The following STEAP1B variants were observed in gnomAD, a reference collection of about 807,000 sequenced individuals.
STEAP1B encodes STEAP family protein MGC87042.
STEAP1B carries 13 observed loss-of-function variants against 27.9 expected under a neutral mutation model. The ratio of observed to expected loss-of-function variants is 0.47; its 90% CI spans 0.30 to 0.74. The LOEUF (loss-of-function observed/expected upper bound fraction) is 0.74. Among genes scored for constraint, STEAP1B ranks in the 30% least tolerant of loss-of-function variants. STEAP1B has a pLI of 0.06. For missense variants in STEAP1B, 250 were observed against 298.7 expected, an observed-to-expected ratio of 0.84 and a Z score of 1.20; for synonymous variants, 86 against 107.1, an observed-to-expected ratio of 0.80 and a Z score of 1.22.
chr7:22,466,282 T>G (rs1480680155), intron 4 of STEAP1B, among the ~76,000 whole-genome samples: 1 of 152,176 alleles, frequency 6.6e-6, no homozygotes, highest in African/African-American at 2.4e-5. Context: ...GGATAAATTG[T>G]GTGGCGTGGG....
At chr7:22,427,183 T>C (rs1239234067) in intron 4 of STEAP1B, among the ~76,000 whole-genome samples, 2 of 152,178 alleles carry the variant, frequency 1.3e-5, no homozygotes, top group African/African-American at 2.4e-5. Flanking sequence ...GAAAAGACCT[T>C]GCAGGATGAG....
chr7:22,432,086 T>C (rs1474236633), intron 4 of STEAP1B, among the ~76,000 whole-genome samples: 2 of 152,136 alleles, frequency 1.3e-5, no homozygotes, highest in Non-Finnish European at 1.5e-5. Flanking sequence ...ATCAGTGGGA[T>C]TGGTGTCCTT....
intron 4 of STEAP1B, among the ~76,000 whole-genome samples, chr7:22,457,387 T>C (rs1300452140): frequency 3.9e-5 from 6 of 152,168 alleles, no homozygotes; most frequent in Admixed American, 3.9e-4. Context: ...AATTAGCCAA[T>C]TGTGGCCCAA....
chr7:22,492,869 T>C lies in STEAP1B; in HGVS notation c.598-140A>G, dbSNP rs1786355664. The C allele has an allele frequency of 2.2e-6, 3 of 1,374,408 alleles. No homozygotes were observed. In the African/African-American group the frequency reaches 4.4e-5, roughly 20 times the overall value. 85.1% of individuals were successfully genotyped at this position (1,374,408 alleles called of 1,614,324 possible). ...ACAAATTTATGACTTTTTCTTTTTTTTTTGCATTCCTCTAAGACAAATGAC... is the reference window on the plus strand; with the variant it reads ...ACAAATTTATGACTTTTTCTTTTTTCTTTGCATTCCTCTAAGACAAATGAC... On this transcript the variant is annotated intron_variant, in intron 3 of 4. Coordinates refer to ENST00000678116, the MANE Select transcript of STEAP1B (RefSeq NM_001382447.1).
In STEAP1B at chr7:22,469,222, A is replaced by C. The variant is rs1473097072; in HGVS notation, c.762+23343T>G. Among the ~76,000 whole-genome samples the C allele has an allele frequency of 2.0e-5, 3 of 152,284 alleles. No individual in the cohort carries two copies. In the East Asian group the frequency reaches 5.8e-4, roughly 29 times the overall value. On this transcript the variant is annotated intron_variant, in intron 4 of 4. Coordinates refer to ENST00000678116, the MANE Select transcript of STEAP1B (RefSeq NM_001382447.1). ...ATCTTCATTTTTAACAAAAATTTTAAGAAGTAAAAAAGAATAAATAATTTA... is the reference window on the plus strand; with the variant it reads ...ATCTTCATTTTTAACAAAAATTTTACGAAGTAAAAAAGAATAAATAATTTA...
chr7:22,465,962 AG>A (rs1785772545), intron 4 of STEAP1B, among the ~76,000 whole-genome samples: 1 of 152,128 alleles, frequency 6.6e-6, no homozygotes, highest in African/African-American at 2.4e-5. Context: ...TCCACGGGAC[AG>A]GCCTGGGGCT....
At chr7:22,482,360 G>C (rs183375906) in intron 4 of STEAP1B, among the ~76,000 whole-genome samples, 1 of 152,298 alleles carries the variant, frequency 6.6e-6, no homozygotes, top group Admixed American at 6.5e-5. Flanking sequence ...ATAATTCTTA[G>C]CACAAGTATG....
At chr7:22,444,714 T>A (rs528230483) in intron 4 of STEAP1B, among the ~76,000 whole-genome samples, 1 of 152,322 alleles carries the variant, frequency 6.6e-6, no homozygotes, top group South Asian at 2.1e-4. Context: ...TCGCTGCCAG[T>A]TAGGAAGTGA....
intron 4 of STEAP1B, among the ~76,000 whole-genome samples, chr7:22,466,021 G>C (rs953497629): frequency 1.3e-5 from 2 of 152,140 alleles, no homozygotes; most frequent in Admixed American, 6.5e-5. Flanking sequence ...TCATTCCCTA[G>C]TGCAGAACAC....
intron 4 of STEAP1B, among the ~76,000 whole-genome samples, chr7:22,450,883 A>T (rs1421016336): frequency 6.6e-6 from 1 of 152,096 alleles, no homozygotes; most frequent in Non-Finnish European, 1.5e-5. Flanking sequence ...TAATTCCTAG[A>T]TATTTAATTT....
In STEAP1B at chr7:22,493,632, G is replaced by T; in HGVS notation, c.289C>A (p.Pro97Thr). ...LYTLLREVIHPLATSHQQYFY... is the reference protein window; with the variant it reads ...LYTLLREVIHTLATSHQQYFY... ...TATTGTTGATGGGAAGTTGCTAAAG[G>T]GTGAATTACTTCCCTCAGAAGAGTG... Residue 97 changes from proline to threonine, a missense_variant, in exon 3 of 5, where the codon CCT becomes ACT. By Grantham distance (38) the Pro-to-Thr change is conservative (BLOSUM62 -1). Coordinates refer to ENST00000678116, the MANE Select transcript of STEAP1B (RefSeq NM_001382447.1). The T allele has an allele frequency of 6.2e-7, 1 of 1,613,940 alleles. No homozygotes were observed. Among genetic ancestry groups the T allele is most frequent in the Non-Finnish European group, 8.5e-7 (1 of 1,179,862 alleles).
intron 4 of STEAP1B, among the ~76,000 whole-genome samples, chr7:22,471,317 G>A (rs561950668): frequency 2.2e-4 from 33 of 152,332 alleles, no homozygotes; most frequent in African/African-American, 7.5e-4. Context: ...AGAGTTGCAA[G>A]GCCTGGTGTT....
chr7:22,434,236 G>T (rs1236685129), intron 4 of STEAP1B, among the ~76,000 whole-genome samples: 4 of 152,198 alleles, frequency 2.6e-5, no homozygotes, highest in African/African-American at 7.2e-5. Flanking sequence ...CAGGAAGCCG[G>T]CTTTCCGTGT....
intron 1 of STEAP1B, among the ~76,000 whole-genome samples, chr7:22,496,357 T>C (rs563429693): frequency 6.6e-6 from 1 of 152,286 alleles, no homozygotes; most frequent in South Asian, 2.1e-4. Context: ...AGTTAATGTA[T>C]TATTAAAGAA....
At chr7:22,499,302 G>C (rs1786494470) in intron 1 of STEAP1B, among the ~76,000 whole-genome samples, 1 of 152,126 alleles carries the variant, frequency 6.6e-6, no homozygotes, top group African/African-American at 2.4e-5. Flanking sequence ...TACATTGTGG[G>C]TTGCACTGCA....
intron 4 of STEAP1B, among the ~76,000 whole-genome samples, chr7:22,429,791 G>A (rs552453794): frequency 2.0e-5 from 3 of 152,270 alleles, no homozygotes; most frequent in Middle Eastern, 3.4e-3. Flanking sequence ...GGAAAAGACT[G>A]TATAAACTTC....
At chr7:22,456,952 CTA>C (rs199847360) in intron 4 of STEAP1B, among the ~76,000 whole-genome samples, 939 of 73,294 alleles carry the variant, frequency 0.013, 146 homozygotes, top group South Asian at 0.098. Context: ...GGATAGGCAG[CTA>C]TATATATATA....
At chr7:22,425,324 G>A (rs1785092666) in intron 4 of STEAP1B, among the ~76,000 whole-genome samples, 1 of 152,196 alleles carries the variant, frequency 6.6e-6, no homozygotes, top group African/African-American at 2.4e-5. Flanking sequence ...GACAAAGTTA[G>A]CAAGGCATCC....
At chr7:22,476,957 C>T (rs960873280) in intron 4 of STEAP1B, among the ~76,000 whole-genome samples, 1 of 152,170 alleles carries the variant, frequency 6.6e-6, no homozygotes, top group Non-Finnish European at 1.5e-5. Flanking sequence ...ACTCTCAGCC[C>T]CTAGAGGTCA....
Sources: gnomAD v4.1 joint callset for allele counts (sites outside exome capture counted in the v4.1 genomes callset) on GRCh38, gnomAD v4.1.1 for gene constraint, MANE v1.5 for transcripts, NCBI Gene and HGNC (gene_info 2026-07-23, HGNC 2026-07-21) for gene names.